The following CLCN6 variants were observed in gnomAD, a reference collection of about 807,000 sequenced individuals.
CLCN6 encodes Cl-/H+ antiporter 6.
CLCN6 carries 70 observed loss-of-function variants against 109.8 expected under a neutral mutation model. That is an observed-to-expected ratio of 0.64 (90% CI 0.53 to 0.78). The LOEUF is 0.78. Among genes scored for constraint, CLCN6 ranks in the 30% least tolerant of loss-of-function variants. The pLI, the probability that CLCN6 is intolerant of heterozygous loss-of-function variation, is 0.00. For missense variants in CLCN6, 984 were observed against 1,142.3 expected, an observed-to-expected ratio of 0.86 and a Z score of 2.00; for synonymous variants, 444 against 447.8, an observed-to-expected ratio of 0.99 and a Z score of 0.11.
intron 20 of CLCN6, 92 bp from the exon 21 acceptor site, chr1:11,838,243 G>A (rs1439754291): frequency 8.9e-7 from 1 of 1,122,174 alleles, no homozygotes; most frequent in African/African-American, 1.5e-5. Flanking sequence ...GCCTGGAGCT[G>A]GGCATATTCA....
At chr1:11,811,940 C>T (rs111857526) in intron 2 of CLCN6, among the ~76,000 whole-genome samples, 3 of 152,112 alleles carry the variant, frequency 2.0e-5, no homozygotes, top group African/African-American at 4.8e-5. Flanking sequence ...TGTTTCTCCT[C>T]TGCTCTCAGG....
Position 11,834,572 on chromosome 1 carries a change from C to G in CLCN6, c.1775C>G (p.Thr592Arg), listed in dbSNP as rs772557114. The change falls in exon 17 of 23, where the codon ACA becomes AGA. Residue 592 changes from threonine to arginine, a missense_variant. Physicochemically the swap from Thr to Arg is moderately conservative, Grantham distance 71 (BLOSUM62 -1). Coordinates refer to ENST00000346436, the MANE Select transcript of CLCN6 (RefSeq NM_001286.5). This position sits in a 1 kb window ranked among gnomAD's most constrained non-coding sequence, Gnocchi z 4.5. ...GGCGTGCCGCTTCTGGAATGGGAGA[C>G]AGAGGTGGAAATGGACAAGTAAGGC... ...LRGVPLLEWE[T>R]EVEMDKLRAS... The G allele has an allele frequency of 2.5e-6, 4 of 1,613,978 alleles. No individual in the cohort carries two copies. Among genetic ancestry groups the G allele is most frequent in the Non-Finnish European group, 3.4e-6 (4 of 1,179,964 alleles).
chr1:11,823,711 T>C lies in CLCN6; in HGVS notation c.458T>C (p.Val153Ala). ...LASLLVLIEP[V>A]AAGSGIPEVK... ...GTGCCTGCTCTCCTCCATCAGCCGG[T>C]GGCAGCAGGTTCCGGGATACCCGAG... Residue 153 changes from valine (V) to alanine (A), a missense_variant, in exon 7 of 23, where the codon GTG (valine) becomes GCG (alanine). Coordinates refer to ENST00000346436, the MANE Select transcript of CLCN6 (RefSeq NM_001286.5). 2.5e-6 allele frequency: 4 copies of C among 1,614,156 alleles called. No homozygotes were observed. The highest frequency in any genetic ancestry group is 3.4e-6 in the Non-Finnish European group (4 of 1,180,004).
In CLCN6 at chr1:11,834,446, C is replaced by A; in HGVS notation, c.1687-38C>A. 1 of 1,613,604 alleles carries A rather than the reference C, an allele frequency of 6.2e-7. No homozygotes were observed. Among genetic ancestry groups the A allele is most frequent in the South Asian group, 1.1e-5 (1 of 91,050 alleles). ...GTCAGGCTCAGGGCCACGTCCGCCC[C>A]ACAGGACCTATTTTTAGGTCTTTGC... is the stretch of plus-strand genomic sequence containing the variant. On this transcript the variant is annotated intron_variant, in intron 16 of 22. Transcript: ENST00000346436. The surrounding 1 kb of genome is among the most constrained non-coding windows in gnomAD (Gnocchi z 4.5).
At chr1:11,810,865 A>G (rs1644589694) in intron 2 of CLCN6, among the ~76,000 whole-genome samples, 1 of 152,190 alleles carries the variant, frequency 6.6e-6, no homozygotes, top group African/African-American at 2.4e-5. Flanking sequence ...CAGGAGTTCA[A>G]GACCATCCTG....
intron 4 of CLCN6, among the ~76,000 whole-genome samples, chr1:11,817,317 C>T (rs1163485181): frequency 6.6e-6 from 1 of 152,168 alleles, no homozygotes; most frequent in African/African-American, 2.4e-5. Context: ...TTTAGCACAG[C>T]GTGCCAGTGA....
Position 11,837,173 on chromosome 1 carries a change from GC to G in CLCN6, c.2138+22del. 1.2e-6 allele frequency: 2 copies of G among 1,610,678 alleles called. No homozygotes were observed. ...GGAAAGGAGGTGAGAGCCTGGCGGG[GC>G]CCCCACTGCCCGCAGGGCTACACAG... On this transcript the variant is annotated intron_variant, in intron 19 of 22. Transcript: ENST00000346436.
intron 13 of CLCN6, among the ~76,000 whole-genome samples, chr1:11,830,469 G>T (rs1644865035): frequency 1.3e-5 from 2 of 151,996 alleles, no homozygotes; most frequent in African/African-American, 4.8e-5. Flanking sequence ...TTGTATTAGG[G>T]TATTATAAAT....
chr1:11,831,145 A>ATGTTTT (rs575265939), intron 13 of CLCN6, among the ~76,000 whole-genome samples: 22 of 142,542 alleles, frequency 1.5e-4, no homozygotes, highest in South Asian at 2.4e-4. Flanking sequence ...TTATATATAT[A>ATGTTTT]TGTTTTTGTT....
chr1:11,820,448 T>C (rs1040578842), intron 5 of CLCN6: 151 of 709,740 alleles, frequency 2.1e-4, no homozygotes, highest in Middle Eastern at 3.0e-4. Context: ...TTCTTAAAAC[T>C]CCAGAAGGCA....
chr1:11,834,607 G>C lies in CLCN6; in HGVS notation c.1793+17G>C. On this transcript the variant is annotated intron_variant, in intron 17 of 22. Coordinates refer to ENST00000346436, the MANE Select transcript of CLCN6 (RefSeq NM_001286.5). The surrounding 1 kb of genome is among the most constrained non-coding windows in gnomAD (Gnocchi z 4.5). ...AATGGACAAGTAAGGCCATGATTTT[G>C]CTCATGTCCTAGTTTCAGAATGTAT... The C allele has an allele frequency of 6.2e-7, 1 of 1,601,708 alleles. No homozygotes were observed. Among genetic ancestry groups the C allele is most frequent in the Non-Finnish European group, 8.6e-7 (1 of 1,169,070 alleles).
intron 21 of CLCN6, 30 bp from the exon 22 acceptor site, chr1:11,838,505 G>A: frequency 6.2e-7 from 1 of 1,606,672 alleles, no homozygotes; most frequent in Non-Finnish European, 8.5e-7. Flanking sequence ...TGGCGTCTCA[G>A]GCAGTCAGTG....
At chr1:11,816,074 G>A (rs1340693688) in intron 3 of CLCN6, 163 bp downstream of exon 3, 15 of 577,928 alleles carry the variant, frequency 2.6e-5, no homozygotes, top group South Asian at 1.1e-4. Flanking sequence ...ATTTCACCTC[G>A]CAGGTACTGC....
intron 2 of CLCN6, among the ~76,000 whole-genome samples, chr1:11,813,425 C>CT (rs1407601141): frequency 2.7e-5 from 4 of 149,412 alleles, no homozygotes; most frequent in South Asian, 2.1e-4. Flanking sequence ...GAGTCTCACT[C>CT]TGTCGCCTAG....
chr1:11,839,826 A>G (rs1644996765), intron 22 of CLCN6, among the ~76,000 whole-genome samples: 1 of 152,132 alleles, frequency 6.6e-6, no homozygotes, highest in South Asian at 2.1e-4. Flanking sequence ...ATCTCAGGAG[A>G]CTTCAAGGGC....
At position 11,837,641 on chromosome 1, in the gene CLCN6, C is replaced by T. The variant is rs1045256142; in HGVS notation, c.2295+142C>T. 24 of 793,010 alleles carry T rather than the reference C, an allele frequency of 3.0e-5. 1 individual carries two copies. In the Middle Eastern group the frequency reaches 1.6e-3, roughly 52 times the overall value. 49.1% of individuals were successfully genotyped at this position (793,010 alleles called of 1,614,324 possible). A position where few individuals can be genotyped will look rare whatever the true frequency, so the allele number is the denominator to read the frequency against. On this transcript the variant is annotated intron_variant, in intron 20 of 22. Transcript: ENST00000346436. ...TGCAGAGTGGACTTAGGGGAGGAGT[C>T]GCCACAGCCGGGTGGTGAGAAGCAA...
At chr1:11,839,934 G>T (rs1644998148) in intron 22 of CLCN6, among the ~76,000 whole-genome samples, 1 of 152,242 alleles carries the variant, frequency 6.6e-6, no homozygotes, top group Non-Finnish European at 1.5e-5. Flanking sequence ...GATGCCAGCT[G>T]GCCCAAGCCC....
chr1:11,817,701 C>T (rs1320617369), intron 4 of CLCN6, among the ~76,000 whole-genome samples: 5 of 152,206 alleles, frequency 3.3e-5, no homozygotes, highest in African/African-American at 4.8e-5. Flanking sequence ...CTGTTGACCA[C>T]CTTTATCTTG....
intron 8 of CLCN6, among the ~76,000 whole-genome samples, chr1:11,824,984 G>C (rs1644793690): frequency 6.6e-6 from 1 of 152,164 alleles, no homozygotes; most frequent in South Asian, 2.1e-4. Flanking sequence ...TGGTCTGTGT[G>C]CCAGACGCCA....
Sources: gnomAD v4.1 joint callset for allele counts (sites outside exome capture counted in the v4.1 genomes callset) on GRCh38, gnomAD v4.1.1 for gene constraint, Gnocchi (gnomAD v3.1) non-coding constraint, MANE v1.5 for transcripts, NCBI Gene and HGNC (gene_info 2026-07-23, HGNC 2026-07-21) for gene names.